The following SLC9A9 variants were observed in gnomAD, a reference collection of about 807,000 sequenced individuals.
SLC9A9 encodes the protein solute carrier family 9 member A9.
In SLC9A9, 62 loss-of-function variants were observed where a neutral mutation model predicts 77.8. The ratio of observed to expected loss-of-function variants is 0.80; its 90% CI spans 0.65 to 0.98. SLC9A9 has a LOEUF of 0.98. SLC9A9 is among the 50% of genes least tolerant of loss of function. The pLI is 0.00. For missense variants in SLC9A9, 775 were observed against 774.9 expected (o/e 1.00, Z 0.00); for synonymous variants, 320 against 283.5 (o/e 1.13, Z -1.29).
At chr3:143,305,480 T>C (rs756809850) in intron 14 of SLC9A9, among the ~76,000 whole-genome samples, 3 of 152,214 alleles carry the variant, frequency 2.0e-5, no homozygotes, top group Non-Finnish European at 4.4e-5. Flanking sequence ...ACTTGAGGAT[T>C]TGAACTAGGT....
intron 13 of SLC9A9, among the ~76,000 whole-genome samples, chr3:143,367,148 T>C (rs1320724258): frequency 6.6e-6 from 1 of 152,226 alleles, no homozygotes; most frequent in Non-Finnish European, 1.5e-5. Flanking sequence ...TTATACTCTA[T>C]TCTTGGCAAA....
intron 14 of SLC9A9, among the ~76,000 whole-genome samples, chr3:143,336,885 GCTT>G (rs1214749011): frequency 9.2e-5 from 14 of 152,138 alleles, no homozygotes; most frequent in African/African-American, 3.4e-4. Context: ...ATTTTTACGT[GCTT>G]TTTACTACAT....
At chr3:143,702,780 G>GA (rs1240812704) in intron 4 of SLC9A9, among the ~76,000 whole-genome samples, 1 of 151,530 alleles carries the variant, frequency 6.6e-6, no homozygotes, top group African/African-American at 2.4e-5. Context: ...CTGAATGGAT[G>GA]AAAAAAACAA....
chr3:143,450,388 A>G (rs2034984788), intron 12 of SLC9A9, among the ~76,000 whole-genome samples: 1 of 151,404 alleles, frequency 6.6e-6, no homozygotes, highest in Non-Finnish European at 1.5e-5. Flanking sequence ...TGGTCATGCT[A>G]TTTTTAAGTA....
chr3:143,415,537 T>A (rs142336160), intron 12 of SLC9A9, among the ~76,000 whole-genome samples: 179 of 152,344 alleles, frequency 1.2e-3, no homozygotes, highest in African/African-American at 3.6e-3. Context: ...AGCCTGATGA[T>A]GCCACATCTG....
intron 14 of SLC9A9, among the ~76,000 whole-genome samples, chr3:143,274,164 T>G (rs1339502537): frequency 6.6e-6 from 1 of 152,200 alleles, no homozygotes; most frequent in Non-Finnish European, 1.5e-5. Flanking sequence ...CATTTGCAAG[T>G]GTTTATAGAC....
chr3:143,554,780 C>A (rs969938060), intron 8 of SLC9A9, among the ~76,000 whole-genome samples: 12 of 152,142 alleles, frequency 7.9e-5, no homozygotes, highest in Non-Finnish European at 8.8e-5. Flanking sequence ...GTATGTTCTG[C>A]CAGGGGCCCT....
chr3:143,794,917 G>T, intron 4 of SLC9A9, 84 bp downstream of exon 4: 1 of 1,257,082 alleles, frequency 8.0e-7, no homozygotes, highest in Non-Finnish European at 1.2e-6. Context: ...TTCCCAGCCA[G>T]CAAGAATCCT....
chr3:143,580,100 GA>G lies in SLC9A9; in HGVS notation c.756-1378del, dbSNP rs532180939. Among the ~76,000 whole-genome samples the G allele has an allele frequency of 6.6e-4, 100 of 152,184 alleles. 1 individual carries two copies. The highest frequency in any genetic ancestry group is 1.2e-3 in the Non-Finnish European group (85 of 68,002). ...TTTTGTAAAGTGTTGTGCTTTGCAG[GA>G]AAAAAGGAAAAGTAAACCCACATCT... On this transcript the variant is annotated intron_variant, in intron 6 of 15. Coordinates refer to ENST00000316549, the MANE Select transcript of SLC9A9 (RefSeq NM_173653.4).
intron 14 of SLC9A9, among the ~76,000 whole-genome samples, chr3:143,339,586 A>ATTCTT (rs1432214942): frequency 6.6e-6 from 1 of 152,164 alleles, no homozygotes; most frequent in African/African-American, 2.4e-5. Context: ...TACTCTTCAG[A>ATTCTT]TTCTTTTCCC....
At position 143,266,461 on chromosome 3, in the gene SLC9A9, G is replaced by C; in HGVS notation, c.*241C>G. On this transcript the variant is annotated 3_prime_UTR_variant, in exon 16 of 16. Coordinates refer to ENST00000316549, the MANE Select transcript of SLC9A9 (RefSeq NM_173653.4). Reference sequence around the variant, plus strand: ...TCCTGATACCTCCATCCCCACCCCAGCCAATCCAGTAATCAGAATGGCTGC... The same window carrying C: ...TCCTGATACCTCCATCCCCACCCCACCCAATCCAGTAATCAGAATGGCTGC... The C allele has an allele frequency of 5.2e-6, 3 of 571,444 alleles. No homozygotes were observed. In the South Asian group the frequency reaches 6.0e-5, roughly 11 times the overall value. 35.4% of individuals were successfully genotyped at this position (571,444 alleles called of 1,614,324 possible).
chr3:143,821,487 A>G (rs578255585), intron 2 of SLC9A9, among the ~76,000 whole-genome samples: 14 of 152,316 alleles, frequency 9.2e-5, no homozygotes, highest in African/African-American at 3.4e-4. Context: ...TGAGCTGAAA[A>G]TGTGATGCTC....
At chr3:143,493,531 A>AG in intron 11 of SLC9A9, 122 bp downstream of exon 11, 1 of 794,494 alleles carries the variant, frequency 1.3e-6, no homozygotes, top group South Asian at 1.5e-5. Context: ...GCATAGTGTT[A>AG]GGTACAATGG....
At chr3:143,556,236 C>A (rs369227291) in intron 8 of SLC9A9, among the ~76,000 whole-genome samples, 1 of 152,154 alleles carries the variant, frequency 6.6e-6, no homozygotes, top group African/African-American at 2.4e-5. Context: ...ACCTCAGATT[C>A]TTGTGTGTAA....
chr3:143,333,713 C>T (rs2031842678), intron 14 of SLC9A9, among the ~76,000 whole-genome samples: 1 of 152,222 alleles, frequency 6.6e-6, no homozygotes, highest in Non-Finnish European at 1.5e-5. Flanking sequence ...GTGCTTTCAA[C>T]TACCAGATTG....
At chr3:143,588,219 G>A (rs2108675603) in intron 6 of SLC9A9, among the ~76,000 whole-genome samples, 1 of 152,284 alleles carries the variant, frequency 6.6e-6, no homozygotes, top group East Asian at 1.9e-4. Flanking sequence ...TTATAATGTG[G>A]CCTCAAGGGT....
At chr3:143,275,824 TTA>T (rs766665392) in intron 14 of SLC9A9, among the ~76,000 whole-genome samples, 22 of 152,362 alleles carry the variant, frequency 1.4e-4, no homozygotes, top group East Asian at 1.9e-4. Flanking sequence ...CTCATTTTTC[TTA>T]TAATAGCTCT....
At chr3:143,763,022 G>A (rs2007187587) in intron 4 of SLC9A9, among the ~76,000 whole-genome samples, 1 of 152,088 alleles carries the variant, frequency 6.6e-6, no homozygotes, top group Admixed American at 6.6e-5. Context: ...CTCCATTTGT[G>A]AAAAAGAGGA....
chr3:143,726,940 T>C (rs1268510387), intron 4 of SLC9A9, among the ~76,000 whole-genome samples: 2 of 152,188 alleles, frequency 1.3e-5, no homozygotes, highest in African/African-American at 4.8e-5. Context: ...TTACTGCAAC[T>C]GTTTTTTAAT....
Sources: gnomAD v4.1 joint callset for allele counts (sites outside exome capture counted in the v4.1 genomes callset) on GRCh38, gnomAD v4.1.1 for gene constraint, MANE v1.5 for transcripts, NCBI Gene and HGNC (gene_info 2026-07-23, HGNC 2026-07-21) for gene names.